Variants in MPC1 observed in about 807,000 individuals in gnomAD.
MPC1 encodes the protein HSPC040 protein.
MPC1 carries 6 observed loss-of-function variants against 13.9 expected under a neutral mutation model. That is an observed-to-expected ratio of 0.43 (90% CI 0.24 to 0.85). The LOEUF (loss-of-function observed/expected upper bound fraction) is 0.85. MPC1 is among the 40% of genes least tolerant of loss of function. The probability of loss-of-function intolerance (pLI) is 0.24; values close to 1 mark genes in which losing one functional copy is unlikely to be tolerated. For synonymous variants in MPC1, 47 were observed against 50.5 expected, an observed-to-expected ratio of 0.93 and a Z score of 0.29; for missense variants, 115 against 143.3, an observed-to-expected ratio of 0.80 and a Z score of 1.01.
intron 1 of MPC1, among the ~76,000 whole-genome samples, chr6:166,372,523 A>G (rs950081654): frequency 2.0e-5 from 3 of 152,236 alleles, no homozygotes; most frequent in Non-Finnish European, 4.4e-5. Context: ...AAAGTCCTAC[A>G]TGAATATAAT....
chr6:166,377,830 C>T (rs560858498), intron 1 of MPC1, among the ~76,000 whole-genome samples: 4 of 152,298 alleles, frequency 2.6e-5, no homozygotes, highest in Non-Finnish European at 5.9e-5. Flanking sequence ...GCCAGTCCTG[C>T]TTCAACATTT....
intron 1 of MPC1, among the ~76,000 whole-genome samples, chr6:166,377,972 T>C (rs1263177522): frequency 6.6e-6 from 1 of 152,198 alleles, no homozygotes; most frequent in African/African-American, 2.4e-5. Context: ...CACAAAAATA[T>C]CTAAAACCTT....
chr6:166,368,615 T>G, intron 2 of MPC1: 1 of 243,352 alleles, frequency 4.1e-6, no homozygotes, highest in Non-Finnish European at 6.5e-6. Context: ...TCCTGCAGAA[T>G]TCTATTAACA....
intron 1 of MPC1, among the ~76,000 whole-genome samples, chr6:166,377,522 T>C (rs1353524218): frequency 6.6e-6 from 1 of 152,202 alleles, no homozygotes; most frequent in Non-Finnish European, 1.5e-5. Context: ...TTTAAGTAAT[T>C]TATAACTTAC....
intron 1 of MPC1, among the ~76,000 whole-genome samples, chr6:166,382,360 C>T (rs1307364521): frequency 6.6e-6 from 1 of 151,936 alleles, no homozygotes; most frequent in Non-Finnish European, 1.5e-5. Context: ...GAGAGGCGTC[C>T]CCAGTGTCAC....
rs1394357720 is a variant in MPC1, at chr6:166,369,364, T to C, written c.75+854A>G. On this transcript the variant is annotated intron_variant, in intron 2 of 4. Transcript: ENST00000360961. ...TTGTAGTGAGCCAAGATAGTGCTAC[T>C]GCACTCTTGCCTGGGCAACAGAGCA... is the stretch of plus-strand genomic sequence containing the variant. The C allele has an allele frequency of 1.9e-4, 29 of 152,244 alleles. 1 individual carries two copies. Among genetic ancestry groups the C allele is most frequent in the Admixed American group, 1.9e-3 (29 of 15,268 alleles). The allele number at this position is 152,244 out of a possible 1,614,324, so 9.4% of individuals were successfully genotyped here. A position where few individuals can be genotyped will look rare whatever the true frequency, so the allele number is the denominator to read the frequency against.
intron 1 of MPC1, among the ~76,000 whole-genome samples, chr6:166,380,882 T>G (rs1400315315): frequency 7.6e-6 from 1 of 132,162 alleles, no homozygotes; most frequent in Non-Finnish European, 1.5e-5. Context: ...GAGGTTTGGA[T>G]GAGCCAAAAT....
chr6:166,365,443 T>C lies in MPC1; in HGVS notation c.316A>G (p.Thr106Ala). The C allele has an allele frequency of 3.2e-6, 5 of 1,582,344 alleles. No homozygotes were observed. Among genetic ancestry groups the C allele is most frequent in the African/African-American group, 1.4e-5 (1 of 73,862 alleles). ...CTTTTCCATTGTTATGCAGATGCCG[T>C]TTTAGTCATCCTGGAAAGAAACAAA... ...GRLIKHEMTK[T>A]ASA The change falls in exon 5 of 5, where the codon ACG becomes GCG. Residue 106 changes from threonine to alanine, a missense_variant. Thr to Ala is a moderately conservative substitution (Grantham distance 58). Coordinates refer to ENST00000360961, the MANE Select transcript of MPC1 (RefSeq NM_016098.4). The surrounding 1 kb of genome is among the most constrained non-coding windows in gnomAD (Gnocchi z 4.2).
intron 2 of MPC1, chr6:166,367,284 G>T (rs1052732195): frequency 2.6e-5 from 19 of 718,752 alleles, no homozygotes; most frequent in Non-Finnish European, 3.3e-5. Context: ...ATATTTTTAT[G>T]TTTAAATCTA....
At chr6:166,367,922 T>C (rs1184873289) in intron 2 of MPC1, among the ~76,000 whole-genome samples, 1 of 152,090 alleles carries the variant, frequency 6.6e-6, no homozygotes, top group African/African-American at 2.4e-5. Context: ...ATAAGAAAAA[T>C]AAATGGGAAT....
intron 1 of MPC1, among the ~76,000 whole-genome samples, chr6:166,380,955 A>AG (rs1562462462): frequency 6.6e-6 from 1 of 151,508 alleles, no homozygotes; most frequent in African/African-American, 2.4e-5. Flanking sequence ...AAAAAAAAAA[A>AG]AAAAAAAAAG....
intron 1 of MPC1, among the ~76,000 whole-genome samples, chr6:166,378,483 G>C (rs999171018): frequency 6.6e-6 from 1 of 152,004 alleles, no homozygotes; most frequent in Middle Eastern, 3.4e-3. Flanking sequence ...CTTGAGAAGA[G>C]GAATAAGTCG....
intron 3 of MPC1, 125 bp downstream of exon 3, chr6:166,366,670 T>C: frequency 1.2e-6 from 1 of 852,934 alleles, no homozygotes; most frequent in Non-Finnish European, 1.9e-6. Context: ...CACTCTTCCA[T>C]GCCATCACAT....
At chr6:166,372,287 C>A (rs1372711531) in intron 1 of MPC1, among the ~76,000 whole-genome samples, 1 of 152,158 alleles carries the variant, frequency 6.6e-6, no homozygotes, top group Non-Finnish European at 1.5e-5. Context: ...GAAGTTTCAA[C>A]TTGGACATAA....
At chr6:166,372,705 GA>G (rs971184436) in intron 1 of MPC1, among the ~76,000 whole-genome samples, 3 of 140,394 alleles carry the variant, frequency 2.1e-5, no homozygotes, top group Admixed American at 7.1e-5. Context: ...AACCAAATTA[GA>G]AAAAAAAATG....
intron 1 of MPC1, among the ~76,000 whole-genome samples, chr6:166,382,605 C>T (rs1779841854): frequency 6.6e-6 from 1 of 152,150 alleles, no homozygotes; most frequent in Non-Finnish European, 1.5e-5. Context: ...CGGCTCTCTA[C>T]GCCGTCCGCT....
rs149425210 is a variant in MPC1, at chr6:166,375,906, C to G, written c.72-5685G>C. Among the ~76,000 whole-genome samples the G allele has an allele frequency of 4.9e-3, 748 of 152,224 alleles. 6 individuals carry two copies. Among genetic ancestry groups the G allele is most frequent in the Non-Finnish European group, 8.5e-3 (581 of 68,004 alleles). On this transcript the variant is annotated intron_variant, in intron 1 of 4. Transcript: ENST00000360961. ...TGATGTTCATCATATCCAGTTGATT[C>G]ATTGTTTTGTTGAGTTAAATTATGT...
At chr6:166,370,809 C>T (rs1779350943) in intron 1 of MPC1, among the ~76,000 whole-genome samples, 1 of 150,950 alleles carries the variant, frequency 6.6e-6, no homozygotes, top group Non-Finnish European at 1.5e-5. Flanking sequence ...CCAGCCTGGG[C>T]AACAGAGCAA....
intron 1 of MPC1, among the ~76,000 whole-genome samples, chr6:166,372,453 AT>A (rs901279855): frequency 2.6e-5 from 4 of 151,410 alleles, no homozygotes; most frequent in African/African-American, 9.8e-5. Flanking sequence ...ATTAGTATAG[AT>A]TACACATGTA....
Sources: allele counts gnomAD v4.1 joint callset (sites outside exome capture counted in the v4.1 genomes callset), GRCh38; gene constraint gnomAD v4.1.1; non-coding constraint Gnocchi (gnomAD v3.1); transcripts MANE v1.5; gene names NCBI Gene and HGNC (gene_info 2026-07-23, HGNC 2026-07-21).